AGO1: variants seen among roughly 807,000 people sequenced by gnomAD.
The protein encoded by AGO1 is protein argonaute-1.
In AGO1, 11 loss-of-function variants were observed where a neutral mutation model predicts 109.2. The observed-to-expected ratio is 0.10, with a 90% CI of 0.06 to 0.17. The LOEUF is 0.17. Ranked by LOEUF, AGO1 falls within the 10% of genes least tolerant of loss-of-function variation. AGO1 has a pLI of 1.00. For missense variants in AGO1, 574 were observed against 1,140.3 expected (o/e 0.50, Z 7.15); for synonymous variants, 422 against 418.6 (o/e 1.01, Z -0.10).
Position 35,914,292 on chromosome 1 carries a change from G to T in AGO1, c.1833+18G>T. The stretch of plus-strand genomic sequence containing the variant: ...TCACAGCAGTGAGTGATATTCTGTA[G>T]CTGCCTCATAAGGTTCTCCTCTTCG... On this transcript the variant is annotated intron_variant, in intron 14 of 18. Transcript: ENST00000373204. 6.2e-7 allele frequency: 1 copy of T among 1,603,818 alleles called. No individual in the cohort carries two copies. Among genetic ancestry groups the T allele is most frequent in the African/African-American group, 1.3e-5 (1 of 74,870 alleles).
Position 35,888,112 on chromosome 1 carries a change from A to G in AGO1, c.26-315A>G, listed in dbSNP as rs1645149904. ...TGTCTTACTCTACTAGAAGAAAGAA[A>G]GGGTTTTGTTACTAGGAGCCAGATT... On this transcript the variant is annotated intron_variant, in intron 1 of 18. Coordinates refer to ENST00000373204, the MANE Select transcript of AGO1 (RefSeq NM_012199.5). The surrounding 1 kb of genome is among the most constrained non-coding windows in gnomAD (Gnocchi z 4.1). Among the ~76,000 whole-genome samples the G allele has an allele frequency of 1.3e-5, 2 of 152,246 alleles. No individual in the cohort carries two copies. Among genetic ancestry groups the G allele is most frequent in the East Asian group, 3.8e-4 (2 of 5,202 alleles).
chr1:35,915,227 C>A lies in AGO1; in HGVS notation c.1834-121C>A, dbSNP rs145801788. 8.0e-6 allele frequency: 6 copies of A among 745,614 alleles called. No homozygotes were observed. The Admixed American group carries it at 1.3e-4, about 16-fold the overall frequency. 46.2% of individuals were successfully genotyped at this position (745,614 alleles called of 1,614,324 possible). A position where few individuals can be genotyped will look rare whatever the true frequency, so the allele number is the denominator to read the frequency against. ...GAATAGAGATTGAAACCAGGGCTCA[C>A]TGAGTCTCAAGCCCTAGTCATTCAG... On this transcript the variant is annotated intron_variant, in intron 14 of 18. Transcript: ENST00000373204.
chr1:35,903,180 G>A (rs1332793446), intron 11 of AGO1, among the ~76,000 whole-genome samples: 2 of 151,608 alleles, frequency 1.3e-5, no homozygotes, highest in Non-Finnish European at 2.9e-5. Flanking sequence ...CTAATTTTTT[G>A]TATTTTTAGT....
chr1:35,870,307 G>A (rs1252328844), intron 1 of AGO1, among the ~76,000 whole-genome samples: 2 of 150,564 alleles, frequency 1.3e-5, no homozygotes, highest in Admixed American at 6.6e-5. Flanking sequence ...TTTTTGAGAC[G>A]GAGTCTCACT....
At chr1:35,907,271 C>G (rs1645539940) in intron 12 of AGO1, 152 bp downstream of exon 12, 3 of 677,162 alleles carry the variant, frequency 4.4e-6, no homozygotes, top group East Asian at 5.9e-5. Flanking sequence ...AATAGCATGC[C>G]TGAGCCATTG....
intron 1 of AGO1, among the ~76,000 whole-genome samples, chr1:35,886,736 T>C (rs1291723683): frequency 1.3e-5 from 2 of 152,194 alleles, no homozygotes; most frequent in Non-Finnish European, 2.9e-5. Context: ...CAGGTGTTCG[T>C]GTGTCTGTGT....
chr1:35,908,576 A>T (rs1306981117), intron 12 of AGO1, among the ~76,000 whole-genome samples: 3 of 150,852 alleles, frequency 2.0e-5, no homozygotes, highest in Non-Finnish European at 4.4e-5. Flanking sequence ...AATAAAACAG[A>T]TATAGTCTCT....
At position 35,893,082 on chromosome 1, in the gene AGO1, T is replaced by C. The variant is rs773426159; in HGVS notation, c.331-15T>C. The C allele has an allele frequency of 1.2e-6, 2 of 1,611,816 alleles. No individual in the cohort carries two copies. The highest frequency in any genetic ancestry group is 1.7e-5 in the Admixed American group (1 of 59,774). ...CAATGGCAATCCTTCATCCCTTTCT[T>C]TCACCCTCCTGAAGGTCGACTTTGA... On this transcript the variant is annotated splice_polypyrimidine_tract_variant and intron_variant, in intron 3 of 18. Transcript: ENST00000373204. This position sits in a 1 kb window ranked among gnomAD's most constrained non-coding sequence, Gnocchi z 5.6.
In AGO1 at chr1:35,917,886, C is replaced by T. The variant is rs556614948; in HGVS notation, c.2163+159C>T. 7.2e-5 allele frequency among the ~76,000 whole-genome samples: 11 copies of T among 152,112 alleles called. No homozygotes were observed. The South Asian group carries it at 1.7e-3, about 23-fold the overall frequency. The stretch of plus-strand genomic sequence containing the variant: ...GCTCTTGTGGTCCTTCCTCTGCCAC[C>T]GCCTTCACTAGTGTCCACCTCCTCC... On this transcript the variant is annotated intron_variant, in intron 16 of 18. Transcript: ENST00000373204.
chr1:35,919,006 G>A lies in AGO1; in HGVS notation c.2266-49G>A. On this transcript the variant is annotated intron_variant, in intron 17 of 18. Coordinates refer to ENST00000373204, the MANE Select transcript of AGO1 (RefSeq NM_012199.5). This position sits in a 1 kb window ranked among gnomAD's most constrained non-coding sequence, Gnocchi z 6.6. ...CAGTGATCCTGTTCCCCTATTATCA[G>A]CCATCTTCTCTGCCCAGCCTGGGAC... is the stretch of plus-strand genomic sequence containing the variant. 6.5e-7 allele frequency: 1 copy of A among 1,532,548 alleles called. No homozygotes were observed. The highest frequency in any genetic ancestry group is 1.1e-5 in the South Asian group (1 of 88,596). 94.9% of individuals were successfully genotyped at this position (1,532,548 alleles called of 1,614,324 possible). A position where few individuals can be genotyped will look rare whatever the true frequency, so the allele number is the denominator to read the frequency against.
Position 35,888,583 on chromosome 1 carries a change from C to A in AGO1, c.182C>A (p.Pro61Gln). The A allele has an allele frequency of 1.2e-6, 2 of 1,614,130 alleles. No homozygotes were observed. The highest frequency in any genetic ancestry group is 1.7e-6 in the Non-Finnish European group (2 of 1,180,024). The change falls in exon 2 of 19, where the codon CCG becomes CAG. Residue 61 changes from proline to glutamine, a missense_variant. Physicochemically the swap from Pro to Gln is moderately conservative, Grantham distance 76. Transcript: ENST00000373204. This position sits in a 1 kb window ranked among gnomAD's most constrained non-coding sequence, Gnocchi z 4.1. ...DVYHYEVDIK[P>Q]DKCPRRVNRE... ...TACCACTACGAGGTGGACATCAAGC[C>A]GGATAAGTGTCCCCGTAGAGTCAAC...
intron 11 of AGO1, among the ~76,000 whole-genome samples, chr1:35,905,747 A>G (rs1161652965): frequency 1.3e-5 from 2 of 152,190 alleles, no homozygotes; most frequent in Non-Finnish European, 2.9e-5. Context: ...CTGAGATTAC[A>G]GGTGTGAGCC....
At chr1:35,911,864 C>A (rs576770675) in intron 12 of AGO1, among the ~76,000 whole-genome samples, 1 of 152,280 alleles carries the variant, frequency 6.6e-6, no homozygotes, top group East Asian at 1.9e-4. Context: ...ACTTTGTTGA[C>A]CACTTGCTCC....
chr1:35,905,934 C>T (rs555595336), intron 11 of AGO1, among the ~76,000 whole-genome samples: 20 of 152,150 alleles, frequency 1.3e-4, no homozygotes, highest in Non-Finnish European at 2.2e-4. Flanking sequence ...TCTCATAAAA[C>T]TATCACATTG....
intron 11 of AGO1, among the ~76,000 whole-genome samples, chr1:35,904,288 G>A (rs1303172930): frequency 6.6e-6 from 1 of 151,898 alleles, no homozygotes; most frequent in Non-Finnish European, 1.5e-5. Flanking sequence ...TGTATTTTTA[G>A]TAGAGATGGG....
chr1:35,882,872 G>C, upstream of AGO1: 1 of 985,430 alleles, frequency 1.0e-6, no homozygotes, highest in South Asian at 4.7e-5. The surrounding 1 kb of genome is among the most constrained non-coding windows in gnomAD (Gnocchi z 5.1). Context: ...AGGGGGTCTG[G>C]GAATGAAGTG....
rs1645412650 is a variant in AGO1, at chr1:35,901,328, C to T, written c.1021-146C>T. ...TCTAATTTACCTATCAAATGATACTCAGGAGGAGAATACATGTATGCACAA... is the reference window on the plus strand; with the variant it reads ...TCTAATTTACCTATCAAATGATACTTAGGAGGAGAATACATGTATGCACAA... On this transcript the variant is annotated intron_variant, in intron 8 of 18. Coordinates refer to ENST00000373204, the MANE Select transcript of AGO1 (RefSeq NM_012199.5). This position sits in a 1 kb window ranked among gnomAD's most constrained non-coding sequence, Gnocchi z 4.8. 1 of 951,508 alleles carries T rather than the reference C, an allele frequency of 1.1e-6. No homozygotes were observed. The highest frequency in any genetic ancestry group is 1.6e-6 in the Non-Finnish European group (1 of 627,454). The allele number at this position is 951,508 out of a possible 1,614,324, so 58.9% of individuals were successfully genotyped here.
At position 35,914,240 on chromosome 1, in the gene AGO1, C is replaced by A; in HGVS notation, c.1799C>A (p.Pro600Gln). ...CTGGGAGCAGATGTTACACACCCCC[C>A]AGCAGGGGATGGGAAAAAACCTTCT... ...IFLGADVTHP[P>Q]AGDGKKPSIT... Residue 600 changes from proline to glutamine, a missense_variant, in exon 14 of 19, where the codon CCA becomes CAA. By Grantham distance (76) the Pro-to-Gln change is moderately conservative. This residue lies in a region of AGO1 where 68 missense variants were observed against 200.2 expected (regional missense o/e 0.34). Coordinates refer to ENST00000373204, the MANE Select transcript of AGO1 (RefSeq NM_012199.5). 4 of 1,614,166 alleles carry A rather than the reference C, an allele frequency of 2.5e-6. No homozygotes were observed. The highest frequency in any genetic ancestry group is 3.4e-6 in the Non-Finnish European group (4 of 1,179,998).
chr1:35,893,608 GC>G lies in AGO1; in HGVS notation c.513-63del. On this transcript the variant is annotated intron_variant, in intron 4 of 18. Transcript: ENST00000373204. This position sits in a 1 kb window ranked among gnomAD's most constrained non-coding sequence, Gnocchi z 5.6. ...GCCTTTCAGGCCAGGGCTCCTCCGT[GC>G]CCAGGATGCCTCACAGGGTGGGGGC... 2 of 1,515,922 alleles carry G rather than the reference GC, an allele frequency of 1.3e-6. No homozygotes were observed. The highest frequency in any genetic ancestry group is 8.9e-7 in the Non-Finnish European group (1 of 1,124,478). 93.9% of individuals were successfully genotyped at this position (1,515,922 alleles called of 1,614,324 possible).
Sources: allele counts gnomAD v4.1 joint callset (sites outside exome capture counted in the v4.1 genomes callset), GRCh38; gene constraint gnomAD v4.1.1; regional missense constraint gnomAD v4.1.1; non-coding constraint Gnocchi (gnomAD v3.1); transcripts MANE v1.5; gene names NCBI Gene and HGNC (gene_info 2026-07-23, HGNC 2026-07-21).